Variants in XPO7 observed in about 807,000 individuals in gnomAD.
The protein encoded by XPO7 is exportin 7.
A neutral mutation model predicts 144.3 loss-of-function variants in XPO7; 21 were observed. That is an observed-to-expected ratio of 0.15 (90% CI 0.10 to 0.21). The LOEUF is 0.21. XPO7 is among the 10% of genes least tolerant of loss of function. XPO7 has a pLI of 1.00. For synonymous variants in XPO7, 580 were observed against 499.6 expected, an observed-to-expected ratio of 1.16 and a Z score of -2.15; for missense variants, 808 against 1,325.8, an observed-to-expected ratio of 0.61 and a Z score of 6.06.
At chr8:21,966,375 G>A (rs1214498460) in intron 1 of XPO7, 7 of 766,724 alleles carry the variant, frequency 9.1e-6, no homozygotes, top group African/African-American at 5.1e-5. Flanking sequence ...CCATCTTTAC[G>A]CATATACATT....
intron 7 of XPO7, 37 bp from the exon 8 acceptor site, chr8:21,977,733 T>TTAATAAAGTGATGTCTTTTGTC: frequency 6.2e-7 from 1 of 1,604,446 alleles, no homozygotes; most frequent in South Asian, 1.1e-5. Flanking sequence ...ATGTTCATAC[T>TTAATAAAGTGATGTCTTTTGTC]TAATAAAGTG....
Position 21,957,223 on chromosome 8 carries a change from G to A in XPO7, c.19-9634G>A, listed in dbSNP as rs141653698. Among the ~76,000 whole-genome samples the A allele has an allele frequency of 8.8e-3, 1,336 of 151,954 alleles. 10 individuals carry two copies. The highest frequency in any genetic ancestry group is 0.017 in the South Asian group (82 of 4,812). ...CACTTCATTGACCTATTTGTTACAGGGTGCCCATAGCTTCAGATGTGCTTT... is the reference window on the plus strand; with the variant it reads ...CACTTCATTGACCTATTTGTTACAGAGTGCCCATAGCTTCAGATGTGCTTT... On this transcript the variant is annotated intron_variant, in intron 1 of 27. Transcript: ENST00000252512.
intron 12 of XPO7, among the ~76,000 whole-genome samples, chr8:21,985,126 C>G (rs1812538676): frequency 6.6e-6 from 1 of 152,192 alleles, no homozygotes; most frequent in African/African-American, 2.4e-5. Context: ...CCTCAGCCTC[C>G]CGAAGTAGCT....
chr8:21,955,885 T>G (rs964373320), intron 1 of XPO7, among the ~76,000 whole-genome samples: 38 of 152,054 alleles, frequency 2.5e-4, no homozygotes, highest in African/African-American at 8.9e-4. Context: ...CCCACCACCG[T>G]GCCTGGCTAA....
intron 1 of XPO7, among the ~76,000 whole-genome samples, chr8:21,934,794 A>C (rs754792464): frequency 1.8e-4 from 27 of 152,330 alleles, no homozygotes; most frequent in Non-Finnish European, 2.9e-4. Flanking sequence ...AGATTTCCAG[A>C]GATTTGGGTG....
intron 1 of XPO7, among the ~76,000 whole-genome samples, chr8:21,958,961 CAAAAA>C (rs34867010): frequency 1.6e-5 from 2 of 123,082 alleles, no homozygotes; most frequent in Non-Finnish European, 1.7e-5. Flanking sequence ...ACTCTGTCTC[CAAAAA>C]AAAAAAAAAA....
At chr8:22,001,705 C>CTCCTAAT (rs531979177) in intron 24 of XPO7, among the ~76,000 whole-genome samples, 229 of 152,344 alleles carry the variant, frequency 1.5e-3, no homozygotes, top group African/African-American at 4.7e-3. Flanking sequence ...TACATAACCT[C>CTCCTAAT]TCCTAATTCT....
chr8:21,947,593 G>A (rs1811233833), intron 1 of XPO7, among the ~76,000 whole-genome samples: 1 of 152,156 alleles, frequency 6.6e-6, no homozygotes, highest in Admixed American at 6.5e-5. Flanking sequence ...TTGGGTGAAT[G>A]CGAAAGAAAC....
chr8:21,995,671 T>C, intron 21 of XPO7, 72 bp downstream of exon 21: 1 of 1,175,998 alleles, frequency 8.5e-7, no homozygotes, highest in East Asian at 2.6e-5. Flanking sequence ...ATCTAGTGCT[T>C]TGGGCAGATT....
Position 22,003,160 on chromosome 8 carries a change from T to G in XPO7, c.2944-59T>G, listed in dbSNP as rs190363720. ...ATACTCCTGTATTTGGAATCTGTCG[T>G]TTTATCTTGGGTAGCAATACATTAG... On this transcript the variant is annotated intron_variant, in intron 25 of 27. Coordinates refer to ENST00000252512, the MANE Select transcript of XPO7 (RefSeq NM_015024.5). 1,106 of 1,387,708 alleles carry G rather than the reference T, an allele frequency of 8.0e-4. 5 individuals carry two copies. The African/African-American group carries it at 0.014, about 18-fold the overall frequency. 86.0% of individuals were successfully genotyped at this position (1,387,708 alleles called of 1,614,324 possible). A position where few individuals can be genotyped will look rare whatever the true frequency, so the allele number is the denominator to read the frequency against.
intron 8 of XPO7, among the ~76,000 whole-genome samples, chr8:21,979,855 C>A (rs982443779): frequency 5.9e-5 from 9 of 152,136 alleles, no homozygotes; most frequent in Admixed American, 5.2e-4. Context: ...TCAGCAAGAA[C>A]AAAGATGCCA....
intron 1 of XPO7, among the ~76,000 whole-genome samples, chr8:21,929,768 G>GT (rs537627734): frequency 4.4e-4 from 66 of 149,312 alleles, no homozygotes; most frequent in African/African-American, 4.9e-4. Context: ...AATTTAAAGG[G>GT]TTTTTTTTTT....
Position 21,971,270 on chromosome 8 carries a change from G to A in XPO7, c.427-606G>A, listed in dbSNP as rs150601273. On this transcript the variant is annotated intron_variant, in intron 4 of 27. Transcript: ENST00000252512. ...GTGAAATCCTCTAATAACACATTTC[G>A]TAGAACGTGTCGCCATCATTCAGTG... Among the ~76,000 whole-genome samples the A allele has an allele frequency of 7.2e-5, 11 of 152,224 alleles. No individual in the cohort carries two copies. The East Asian group carries it at 7.7e-4, about 11-fold the overall frequency.
intron 1 of XPO7, among the ~76,000 whole-genome samples, chr8:21,955,394 T>C (rs1811503442): frequency 1.3e-5 from 2 of 152,220 alleles, no homozygotes; most frequent in Admixed American, 6.5e-5. Context: ...AAATTTAAAG[T>C]ACAGTGTTTG....
At chr8:21,956,220 A>T (rs1278003323) in intron 1 of XPO7, among the ~76,000 whole-genome samples, 3 of 152,062 alleles carry the variant, frequency 2.0e-5, no homozygotes, top group Non-Finnish European at 4.4e-5. Context: ...TCTCTAGAGG[A>T]TTTCGCAGGA....
chr8:21,922,152 A>G (rs1483936304), intron 1 of XPO7, among the ~76,000 whole-genome samples: 1 of 152,160 alleles, frequency 6.6e-6, no homozygotes, highest in Non-Finnish European at 1.5e-5. Context: ...TAGTCGAGTC[A>G]TTATGTTATC....
Position 22,005,876 on chromosome 8 carries a change from TA to T in XPO7, c.*789del, listed in dbSNP as rs1434002165. On this transcript the variant is annotated 3_prime_UTR_variant, in exon 28 of 28. Coordinates refer to ENST00000252512, the MANE Select transcript of XPO7 (RefSeq NM_015024.5). ...TCTCCACCCTCTTTCCTACTTTGCT[TA>T]CCCTCATCCTCAGACAGATGCCTCT... The T allele has an allele frequency of 6.6e-6, 1 of 152,262 alleles. No homozygotes were observed. Among genetic ancestry groups the T allele is most frequent in the African/African-American group, 2.4e-5 (1 of 41,456 alleles). The allele number at this position is 152,262 out of a possible 1,614,324, so 9.4% of individuals were successfully genotyped here. A position where few individuals can be genotyped will look rare whatever the true frequency, so the allele number is the denominator to read the frequency against.
At chr8:21,969,696 T>C (rs868220258) in intron 3 of XPO7, 120 bp downstream of exon 3, 6 of 1,021,250 alleles carry the variant, frequency 5.9e-6, no homozygotes, top group Non-Finnish European at 8.5e-6. Flanking sequence ...ATACAAAATG[T>C]CTAGAATCCA....
chr8:21,946,644 T>C (rs189348723), intron 1 of XPO7, among the ~76,000 whole-genome samples: 1 of 148,304 alleles, frequency 6.7e-6, no homozygotes, highest in Non-Finnish European at 1.5e-5. Context: ...AACAGGATTT[T>C]TTTTTTTTTT....
Sources: gnomAD v4.1 joint callset for allele counts (sites outside exome capture counted in the v4.1 genomes callset) on GRCh38, gnomAD v4.1.1 for gene constraint, MANE v1.5 for transcripts, NCBI Gene and HGNC (gene_info 2026-07-23, HGNC 2026-07-21) for gene names.